ABTB2: variants seen among roughly 807,000 people sequenced by gnomAD.
The protein encoded by ABTB2 is ankyrin repeat and BTB domain containing 2.
A neutral mutation model predicts 104.1 loss-of-function variants in ABTB2; 56 were observed. The ratio of observed to expected loss-of-function variants is 0.54; its 90% CI spans 0.43 to 0.67. The LOEUF (loss-of-function observed/expected upper bound fraction) is 0.67. ABTB2 is among the 30% of genes least tolerant of loss of function. ABTB2 has a pLI of 0.00. For missense variants in ABTB2, 1,279 were observed against 1,407.7 expected, an observed-to-expected ratio of 0.91 and a Z score of 1.46; for synonymous variants, 606 against 608.2, an observed-to-expected ratio of 1.00 and a Z score of 0.05.
intron 10 of ABTB2, 78 bp downstream of exon 10, chr11:34,162,498 G>A: frequency 2.0e-6 from 3 of 1,480,438 alleles, no homozygotes; most frequent in Non-Finnish European, 2.8e-6. Context: ...TCTCAGGCCT[G>A]CTGAAGAGCA....
At chr11:34,270,396 G>A (rs1854300284) in intron 1 of ABTB2, among the ~76,000 whole-genome samples, 1 of 149,670 alleles carries the variant, frequency 6.7e-6, no homozygotes. Context: ...CTGGAGTGCA[G>A]TGTCACGATC....
chr11:34,335,188 G>T (rs1448001547), intron 1 of ABTB2: 2 of 1,264,072 alleles, frequency 1.6e-6, no homozygotes, highest in Non-Finnish European at 2.3e-6. Flanking sequence ...ACAACTACAC[G>T]GGTACCCCAG....
chr11:34,190,402 A>G (rs997958531), intron 3 of ABTB2, among the ~76,000 whole-genome samples: 5 of 152,192 alleles, frequency 3.3e-5, no homozygotes, highest in South Asian at 2.1e-4. Context: ...CTCATGCACC[A>G]TCATGCACCT....
At chr11:34,234,132 G>A (rs1853809675) in intron 1 of ABTB2, among the ~76,000 whole-genome samples, 1 of 152,170 alleles carries the variant, frequency 6.6e-6, no homozygotes, top group Admixed American at 6.5e-5. Context: ...GCTCAGTTAG[G>A]GGGTTTCCCT....
chr11:34,344,021 T>C (rs1189823493), intron 1 of ABTB2, among the ~76,000 whole-genome samples: 1 of 152,050 alleles, frequency 6.6e-6, no homozygotes, highest in East Asian at 1.9e-4. Flanking sequence ...CAACAGGCGG[T>C]TGGATACTCC....
chr11:34,347,026 T>C (rs1023054558), intron 1 of ABTB2, among the ~76,000 whole-genome samples: 9 of 152,240 alleles, frequency 5.9e-5, no homozygotes, highest in East Asian at 3.8e-4. Context: ...TTCAACCTCT[T>C]TGAGGTCCAG....
intron 4 of ABTB2, among the ~76,000 whole-genome samples, chr11:34,172,907 T>C (rs1289887918): frequency 1.3e-5 from 2 of 152,162 alleles, no homozygotes; most frequent in South Asian, 2.1e-4. Context: ...CCAGTCCCAA[T>C]GTGTGTCTCC....
chr11:34,167,540 C>G (rs1043387542), intron 6 of ABTB2, among the ~76,000 whole-genome samples, 180 bp from the exon 7 acceptor site: 1 of 152,164 alleles, frequency 6.6e-6, no homozygotes, highest in African/African-American at 2.4e-5. Context: ...AATGTCTGCC[C>G]TGGGCAAAAG....
At chr11:34,273,607 CT>C (rs1854346118) in intron 1 of ABTB2, among the ~76,000 whole-genome samples, 1 of 152,132 alleles carries the variant, frequency 6.6e-6, no homozygotes, top group South Asian at 2.1e-4. Flanking sequence ...ACTGGCAGAC[CT>C]CCGAGGAGAG....
intron 1 of ABTB2, among the ~76,000 whole-genome samples, chr11:34,207,811 C>T (rs147514117): frequency 0.014 from 2,059 of 152,338 alleles, 23 homozygotes; most frequent in Non-Finnish European, 0.022. Context: ...TGTCCTTTCT[C>T]GAGCTAGGCA....
Position 34,357,062 on chromosome 11 carries a change from G to C in ABTB2, c.522C>G (p.Cys174Trp), listed in dbSNP as rs530539210. ...ACAGCGCCTTGACGGCTGCCAGCGCGCAGCTCTCGGCCAGCGCCCAGCTGT... is the reference window on the plus strand; with the variant it reads ...ACAGCGCCTTGACGGCTGCCAGCGCCCAGCTCTCGGCCAGCGCCCAGCTGT... ...LVHSWALAESCALAAVKALSL... is the reference protein window; with the variant it reads ...LVHSWALAESWALAAVKALSL... Residue 174 changes from cysteine (C) to tryptophan (W), a missense_variant, in exon 1 of 17, where the codon TGC becomes TGG. Physicochemically the swap from Cys to Trp is radical, Grantham distance 215. Transcript: ENST00000435224. The C allele has an allele frequency of 6.6e-7, 1 of 1,524,502 alleles. No homozygotes were observed. The highest frequency in any genetic ancestry group is 1.4e-5 in the African/African-American group (1 of 72,814). 94.4% of individuals were successfully genotyped at this position (1,524,502 alleles called of 1,614,324 possible).
intron 1 of ABTB2, among the ~76,000 whole-genome samples, chr11:34,213,073 C>T (rs968050727): frequency 3.9e-5 from 6 of 152,182 alleles, no homozygotes; most frequent in Non-Finnish European, 8.8e-5. Flanking sequence ...GGTGCACCTG[C>T]TTGTGGAGTT....
chr11:34,284,007 C>A (rs1011406363), intron 1 of ABTB2, among the ~76,000 whole-genome samples: 1 of 152,380 alleles, frequency 6.6e-6, no homozygotes, highest in Admixed American at 6.5e-5. Context: ...GCATCTCAAA[C>A]TGTGCCATGC....
chr11:34,355,441 C>A, intron 1 of ABTB2, among the ~76,000 whole-genome samples: 1 of 152,134 alleles, frequency 6.6e-6, no homozygotes, highest in Non-Finnish European at 1.5e-5. Flanking sequence ...ACCTTGGTTT[C>A]CTTATCTGTA....
At chr11:34,263,675 G>A (rs1016201327) in intron 1 of ABTB2, among the ~76,000 whole-genome samples, 5 of 152,162 alleles carry the variant, frequency 3.3e-5, no homozygotes, top group African/African-American at 9.7e-5. Flanking sequence ...TACCAGCCCA[G>A]GGACTCATTC....
chr11:34,265,032 C>T (rs190979213), intron 1 of ABTB2, among the ~76,000 whole-genome samples: 2 of 152,320 alleles, frequency 1.3e-5, no homozygotes, highest in African/African-American at 4.8e-5. Flanking sequence ...CAGGATTTTA[C>T]CAAGTCCTCT....
rs770150142 is a variant in ABTB2, at chr11:34,197,458, GGGC to G, written c.1108_1110del (p.Ala370del). 1 of 1,592,480 alleles carries G rather than the reference GGGC, an allele frequency of 6.3e-7. No individual in the cohort carries two copies. Among genetic ancestry groups the G allele is most frequent in the Non-Finnish European group, 8.6e-7 (1 of 1,168,774 alleles). On this transcript the variant is annotated inframe_deletion, in exon 3 of 17. Coordinates refer to ENST00000435224, the MANE Select transcript of ABTB2 (RefSeq NM_145804.3). ...CAAGTGATGGGCTGTGGCGGCTGGCGGGCCTGGCGGGCAGGGCTGGCACCCGGG... is the reference window on the plus strand; with the variant it reads ...CAAGTGATGGGCTGTGGCGGCTGGCGCTGGCGGGCAGGGCTGGCACCCGGG...
intron 1 of ABTB2, among the ~76,000 whole-genome samples, chr11:34,289,021 C>T (rs1169862242): frequency 1.3e-5 from 2 of 152,168 alleles, no homozygotes; most frequent in Non-Finnish European, 2.9e-5. Flanking sequence ...CCAATTCTGG[C>T]GTCAGCACTG....
Position 34,319,674 on chromosome 11 carries a change from ATTTAT to A in ABTB2, c.883+37022_883+37026del, listed in dbSNP as rs1244882916. On this transcript the variant is annotated intron_variant, in intron 1 of 16. Coordinates refer to ENST00000435224, the MANE Select transcript of ABTB2 (RefSeq NM_145804.3). ...AGACACCAGGACTATTTTATTTTAT[ATTTAT>A]TTTATTTTATATGAAGTCTCACTTT... Among the ~76,000 whole-genome samples the A allele has an allele frequency of 2.0e-5, 3 of 152,014 alleles. No individual in the cohort carries two copies. The East Asian group carries it at 5.8e-4, about 29-fold the overall frequency.
Sources: allele counts gnomAD v4.1 joint callset (sites outside exome capture counted in the v4.1 genomes callset), GRCh38; gene constraint gnomAD v4.1.1; transcripts MANE v1.5; gene names NCBI Gene and HGNC (gene_info 2026-07-23, HGNC 2026-07-21).